The following AGBL1 variants were observed in gnomAD, a reference collection of about 807,000 sequenced individuals.
AGBL1 encodes the protein cytosolic carboxypeptidase 4.
Under a neutral mutation model 118.9 loss-of-function variants are expected in AGBL1, and 130 were observed. That is an observed-to-expected ratio of 1.09 (90% CI 0.95 to 1.26). The LOEUF (loss-of-function observed/expected upper bound fraction) is 1.26. Among genes scored for constraint, AGBL1 ranks in the 50% most tolerant of loss-of-function variants. The pLI, the probability that AGBL1 is intolerant of heterozygous loss-of-function variation, is 0.00. For missense variants in AGBL1, 1,584 were observed against 1,298.1 expected (o/e 1.22, Z -3.38); for synonymous variants, 555 against 478.9 (o/e 1.16, Z -2.08).
chr15:86,540,632 A>G (rs566941642), intron 19 of AGBL1, among the ~76,000 whole-genome samples: 3 of 152,128 alleles, frequency 2.0e-5, no homozygotes, highest in Non-Finnish European at 4.4e-5. Context: ...TTGTATTGGG[A>G]ACAGTTTCTG....
intron 22 of AGBL1, among the ~76,000 whole-genome samples, chr15:86,701,380 A>C (rs1037884734): frequency 6.6e-6 from 1 of 152,092 alleles, no homozygotes; most frequent in African/African-American, 2.4e-5. Flanking sequence ...TAGAATTGTT[A>C]ATAATTCTGG....
At chr15:86,686,121 C>T (rs1333843249) in intron 22 of AGBL1, among the ~76,000 whole-genome samples, 4 of 151,858 alleles carry the variant, frequency 2.6e-5, no homozygotes, top group African/African-American at 9.7e-5. Flanking sequence ...AGAAACTTCT[C>T]CTCCCCACTC....
intron 21 of AGBL1, among the ~76,000 whole-genome samples, chr15:86,583,558 A>C (rs926120525): frequency 1.3e-5 from 2 of 152,060 alleles, no homozygotes; most frequent in African/African-American, 4.8e-5. Flanking sequence ...ATATATGTAC[A>C]TTTCCTTTAT....
chr15:86,558,167 A>G (rs2083761524), intron 21 of AGBL1, among the ~76,000 whole-genome samples: 1 of 152,088 alleles, frequency 6.6e-6, no homozygotes, highest in Admixed American at 6.6e-5. Context: ...AGGCAGAAAG[A>G]CTTCCATCCA....
intron 24 of AGBL1, among the ~76,000 whole-genome samples, chr15:87,019,571 T>G (rs909890727): frequency 6.6e-6 from 1 of 151,926 alleles, no homozygotes; most frequent in African/African-American, 2.4e-5. Flanking sequence ...TCTTTGAAAC[T>G]AATAAAAACA....
intron 17 of AGBL1, among the ~76,000 whole-genome samples, chr15:86,354,594 G>T (rs1249183381): frequency 6.6e-6 from 1 of 152,182 alleles, no homozygotes; most frequent in African/African-American, 2.4e-5. Context: ...GCATAGATCT[G>T]CATAATCAGC....
chr15:86,629,608 G>C (rs943583437), intron 21 of AGBL1, among the ~76,000 whole-genome samples: 1 of 152,190 alleles, frequency 6.6e-6, no homozygotes, highest in Non-Finnish European at 1.5e-5. Flanking sequence ...GTTGCAGCTA[G>C]ATAACCATCA....
Position 87,013,626 on chromosome 15 carries a change from AT to A in AGBL1, c.3324-15197del, listed in dbSNP as rs1325513175. ...GACCCATGCAGGTGATCTTGTGACAATTATTAGACACTTGATCTGGGTCCAG... is the reference window on the plus strand; with the variant it reads ...GACCCATGCAGGTGATCTTGTGACAATATTAGACACTTGATCTGGGTCCAG... On this transcript the variant is annotated intron_variant, in intron 24 of 24. Coordinates refer to the AGBL1 transcript ENST00000441037. Among the ~76,000 whole-genome samples the A allele has an allele frequency of 7.2e-5, 11 of 152,212 alleles. No individual in the cohort carries two copies. In the East Asian group the frequency reaches 2.1e-3, roughly 29 times the overall value.
intron 17 of AGBL1, among the ~76,000 whole-genome samples, chr15:86,324,295 A>C (rs1341406111): frequency 6.6e-6 from 1 of 152,158 alleles, no homozygotes; most frequent in East Asian, 1.9e-4. Context: ...TTAAAACTCT[A>C]CCCGGGAATG....
In AGBL1 at chr15:86,557,988, G is replaced by T. The variant is rs117903722; in HGVS notation, c.2994+3451G>T. On this transcript the variant is annotated intron_variant, in intron 21 of 22. Transcript: ENST00000614907. ...CAATGGGTAGAGCTGGAAAATGTGT[G>T]GGTGAAAGAAGGAAAGACACAAGAA... Among the ~76,000 whole-genome samples the T allele has an allele frequency of 2.2e-3, 342 of 152,162 alleles. 7 individuals are homozygous for T. In the East Asian group the frequency reaches 0.044, roughly 19 times the overall value.
rs1374134980 is a variant in AGBL1, at chr15:86,538,316, GA to G, written c.2686-7684del. On this transcript the variant is annotated intron_variant, in intron 19 of 22. Transcript: ENST00000614907. The stretch of plus-strand genomic sequence containing the variant: ...TAAAATCCCTTTCAGGTGGTTTTAG[GA>G]ATAAATTCTGCATGTGCCTAATGTG... Among the ~76,000 whole-genome samples, 6 of 152,310 alleles carry G rather than the reference GA, an allele frequency of 3.9e-5. No individual in the cohort carries two copies. In the East Asian group the frequency reaches 7.7e-4, roughly 20 times the overall value.
chr15:86,625,364 C>CCATTT (rs1429206623), intron 21 of AGBL1, among the ~76,000 whole-genome samples: 1 of 68,260 alleles, frequency 1.5e-5, no homozygotes, highest in Non-Finnish European at 2.8e-5. Flanking sequence ...AAGAAATTAG[C>CCATTT]GTTTTTTTTT....
At position 86,433,652 on chromosome 15, in the gene AGBL1, T is replaced by C. The variant is rs562803045; in HGVS notation, c.2555+36106T>C. 1.3e-4 allele frequency among the ~76,000 whole-genome samples: 20 copies of C among 152,234 alleles called. No homozygotes were observed. The South Asian group carries it at 4.1e-3, about 32-fold the overall frequency. ...AACTCTGGCATGCACTGTGTGGCAA[T>C]TGGTACCTCCAGGGAGGGTGCCCCT... On this transcript the variant is annotated intron_variant, in intron 18 of 22. Transcript: ENST00000614907.
At chr15:86,855,750 G>T (rs754957489) in intron 22 of AGBL1, among the ~76,000 whole-genome samples, 16 of 152,160 alleles carry the variant, frequency 1.1e-4, no homozygotes, top group Admixed American at 1.0e-3. Flanking sequence ...TCCTGTGCTC[G>T]CAGTCTGTGT....
chr15:86,674,536 A>C (rs1366761433), intron 22 of AGBL1, 100 bp downstream of exon 22: 4 of 1,223,770 alleles, frequency 3.3e-6, no homozygotes, highest in East Asian at 5.0e-5. Flanking sequence ...GTCTTTACAC[A>C]GAGAAAATAT....
At chr15:86,992,927 A>C (rs994468308) in intron 24 of AGBL1, among the ~76,000 whole-genome samples, 6 of 152,170 alleles carry the variant, frequency 3.9e-5, no homozygotes, top group Non-Finnish European at 5.9e-5. Flanking sequence ...GACTTGAGCT[A>C]TGCAAAGAGA....
chr15:86,283,683 G>C (rs1012279271), intron 16 of AGBL1, among the ~76,000 whole-genome samples: 2 of 152,126 alleles, frequency 1.3e-5, no homozygotes, highest in African/African-American at 4.8e-5. Context: ...AATCAGCACT[G>C]TCAAGTAATC....
intron 22 of AGBL1, among the ~76,000 whole-genome samples, chr15:86,704,211 T>C (rs1025368820): frequency 3.3e-5 from 5 of 152,110 alleles, no homozygotes; most frequent in African/African-American, 1.2e-4. Context: ...GGCAATACCA[T>C]TCAGGACATG....
intron 17 of AGBL1, among the ~76,000 whole-genome samples, chr15:86,333,250 G>T (rs2080304167): frequency 6.6e-6 from 1 of 152,118 alleles, no homozygotes; most frequent in South Asian, 2.1e-4. Flanking sequence ...GCCCAAAGTT[G>T]GTTTTTTGAA....
Sources: allele counts gnomAD v4.1 joint callset (sites outside exome capture counted in the v4.1 genomes callset), GRCh38; gene constraint gnomAD v4.1.1; transcripts MANE v1.5; gene names NCBI Gene and HGNC (gene_info 2026-07-23, HGNC 2026-07-21).